The following GOLIM4 variants were observed in gnomAD, a reference collection of about 807,000 sequenced individuals.
GOLIM4 encodes golgi integral membrane protein 4.
GOLIM4 carries 71 observed loss-of-function variants against 107.4 expected under a neutral mutation model. The observed-to-expected ratio is 0.66, with a 90% confidence interval of 0.55 to 0.81. The LOEUF (loss-of-function observed/expected upper bound fraction) is 0.81, where lower values mean the gene tolerates loss of function less well. Among genes scored for constraint, GOLIM4 ranks in the 30% least tolerant of loss-of-function variants. The probability of loss-of-function intolerance (pLI) is 0.00; values close to 1 mark genes in which losing one functional copy is unlikely to be tolerated. For missense variants in GOLIM4, 830 were observed against 826.1 expected, an observed-to-expected ratio of 1.00 and a Z score of -0.06; for synonymous variants, 327 against 294.8, an observed-to-expected ratio of 1.11 and a Z score of -1.12.
At chr3:168,014,764 T>C (rs1483758508) in intron 14 of GOLIM4, among the ~76,000 whole-genome samples, 1 of 140,482 alleles carries the variant, frequency 7.1e-6, no homozygotes, top group Non-Finnish European at 1.5e-5. Flanking sequence ...TAATCCAGCA[T>C]ATAAACAGAG....
intron 12 of GOLIM4, 124 bp downstream of exon 12, chr3:168,027,604 T>C: frequency 1.5e-6 from 1 of 683,538 alleles, no homozygotes; most frequent in Non-Finnish European, 2.7e-6. Flanking sequence ...GCAAGCCATT[T>C]TCCTTCTGGG....
Position 168,033,500 on chromosome 3 carries a change from G to A in GOLIM4, c.844-648C>T, listed in dbSNP as rs556177464. Among the ~76,000 whole-genome samples, 98 of 148,992 alleles carry A rather than the reference G, an allele frequency of 6.6e-4. No individual in the cohort carries two copies. In the East Asian group the frequency reaches 0.015, roughly 23 times the overall value. ...CGGGCGCCTGTAGTCCCAGCTACGC[G>A]GGAGGCTGAGGCAGGAGAATGGCGT... On this transcript the variant is annotated intron_variant, in intron 8 of 15. Transcript: ENST00000470487.
chr3:168,037,674 C>T (rs959309736), intron 7 of GOLIM4, among the ~76,000 whole-genome samples: 1 of 152,116 alleles, frequency 6.6e-6, no homozygotes, highest in South Asian at 2.1e-4. Context: ...AAGGTACTAA[C>T]ACAGGTACAG....
chr3:168,018,733 G>T (rs1370192285), intron 14 of GOLIM4, among the ~76,000 whole-genome samples: 1 of 152,080 alleles, frequency 6.6e-6, no homozygotes, highest in African/African-American at 2.4e-5. Context: ...TTGCTGAAGT[G>T]TCCCTGTCAA....
At chr3:168,073,987 A>G (rs952698640) in intron 1 of GOLIM4, among the ~76,000 whole-genome samples, 1 of 152,192 alleles carries the variant, frequency 6.6e-6, no homozygotes, top group African/African-American at 2.4e-5. Flanking sequence ...GTCACCACCA[A>G]GATGAGGTTA....
chr3:168,048,224 C>G, intron 2 of GOLIM4, 67 bp downstream of exon 2: 1 of 840,342 alleles, frequency 1.2e-6, no homozygotes, highest in Non-Finnish European at 1.9e-6. Flanking sequence ...AAATTGTAAA[C>G]CAAGTATATG....
chr3:168,019,178 C>T (rs1286757109), intron 14 of GOLIM4, among the ~76,000 whole-genome samples: 1 of 152,060 alleles, frequency 6.6e-6, no homozygotes, highest in Admixed American at 6.6e-5. Context: ...ATCATAAGGT[C>T]AATTGTTTTT....
chr3:168,094,410 C>T (rs966663671), intron 1 of GOLIM4, among the ~76,000 whole-genome samples: 1 of 152,172 alleles, frequency 6.6e-6, no homozygotes, highest in African/African-American at 2.4e-5. Flanking sequence ...GTAAAAGCTA[C>T]TTAGGAAGAC....
intron 1 of GOLIM4, among the ~76,000 whole-genome samples, chr3:168,088,607 C>T (rs2108295977): frequency 6.6e-6 from 1 of 152,322 alleles, no homozygotes; most frequent in South Asian, 2.1e-4. Context: ...TCTCCAGTCA[C>T]CATTTCCTGC....
chr3:168,042,726 A>G (rs573325459), intron 5 of GOLIM4, among the ~76,000 whole-genome samples: 4 of 152,330 alleles, frequency 2.6e-5, no homozygotes, highest in African/African-American at 9.6e-5. Context: ...AATACCTGAC[A>G]CAGATGTTGA....
chr3:168,062,835 T>C (rs900229205), intron 1 of GOLIM4, among the ~76,000 whole-genome samples: 8 of 152,298 alleles, frequency 5.3e-5, no homozygotes, highest in Non-Finnish European at 5.9e-5. Context: ...AAGTGTACTA[T>C]GAAAGTAGCT....
At chr3:168,093,874 A>T (rs1301931904) in intron 1 of GOLIM4, among the ~76,000 whole-genome samples, 2 of 152,150 alleles carry the variant, frequency 1.3e-5, no homozygotes, top group East Asian at 3.8e-4. Flanking sequence ...CTCATCTTAA[A>T]TTTTTTACTA....
rs1718219610 is a variant in GOLIM4 at position 168,029,915 on chromosome 3, G to A, written c.1298C>T (p.Ala433Val). The A allele has an allele frequency of 6.2e-7, 1 of 1,614,034 alleles. No individual in the cohort carries two copies. The highest frequency in any genetic ancestry group is 8.5e-7 in the Non-Finnish European group (1 of 1,180,034). The change falls in exon 10 of 16, where the codon GCT (alanine) becomes GTT (valine). Residue 433 changes from alanine (A) to valine (V), a missense_variant. By Grantham distance (64) the Ala-to-Val change is moderately conservative. Transcript: ENST00000470487. Reference protein sequence around the residue: ...EAQQLREHQEALHQQRLQGHL... With the variant: ...EAQQLREHQEVLHQQRLQGHL... Reference sequence around the variant, plus strand: ...CCCCTGCAGCCTCTGCTGGTGCAAAGCTTCCTGGTGTTCCCGCAGCTGCTG... The same window carrying A: ...CCCCTGCAGCCTCTGCTGGTGCAAAACTTCCTGGTGTTCCCGCAGCTGCTG...
chr3:168,059,979 G>A lies in GOLIM4; in HGVS notation c.188-11614C>T, dbSNP rs149645577. On this transcript the variant is annotated intron_variant, in intron 1 of 15. Coordinates refer to ENST00000470487, the MANE Select transcript of GOLIM4 (RefSeq NM_014498.5). ...GAGAAACAGGCAGTCTAGAGTGACT[G>A]AGGCAGGGTGAGCCCGGAAAGTCAA... is the stretch of plus-strand genomic sequence containing the variant. 1.9e-4 allele frequency among the ~76,000 whole-genome samples: 29 copies of A among 152,298 alleles called. 1 individual carries two copies. The East Asian group carries it at 5.6e-3, about 29-fold the overall frequency.
chr3:168,015,913 C>T (rs868823254), intron 14 of GOLIM4, among the ~76,000 whole-genome samples: 10 of 132,052 alleles, frequency 7.6e-5, no homozygotes, highest in South Asian at 4.2e-4. Context: ...AAGACTTAAA[C>T]GTTAGACCTA....
intron 1 of GOLIM4, among the ~76,000 whole-genome samples, chr3:168,082,718 T>C (rs567073314): frequency 1.1e-4 from 16 of 151,940 alleles, no homozygotes; most frequent in African/African-American, 3.6e-4. Context: ...GGTGACGGTG[T>C]CAATATGAAT....
At chr3:168,035,187 T>G (rs1374354015) in intron 8 of GOLIM4, among the ~76,000 whole-genome samples, 1 of 152,148 alleles carries the variant, frequency 6.6e-6, no homozygotes, top group African/African-American at 2.4e-5. Context: ...GAAAAAGGAA[T>G]GGTTATACAC....
intron 14 of GOLIM4, among the ~76,000 whole-genome samples, chr3:168,022,731 A>T (rs1008979362): frequency 3.9e-5 from 6 of 152,248 alleles, no homozygotes; most frequent in African/African-American, 1.2e-4. Context: ...CACTAAGAGC[A>T]CATGGAGCAA....
intron 1 of GOLIM4, among the ~76,000 whole-genome samples, chr3:168,067,385 C>T (rs1401966862): frequency 6.6e-6 from 1 of 151,368 alleles, no homozygotes; most frequent in East Asian, 1.9e-4. Flanking sequence ...TGTAGGCAAA[C>T]AAAAAATAGA....
Sources: allele counts gnomAD v4.1 joint callset (sites outside exome capture counted in the v4.1 genomes callset), GRCh38; gene constraint gnomAD v4.1.1; transcripts MANE v1.5; gene names NCBI Gene and HGNC (gene_info 2026-07-23, HGNC 2026-07-21).